Variants in SLC26A7 observed in about 807,000 individuals in gnomAD.
The protein encoded by SLC26A7 is solute carrier family 26 member 7.
A neutral mutation model predicts 82.5 loss-of-function variants in SLC26A7; 59 were observed. That is an observed-to-expected ratio of 0.72 (90% CI 0.58 to 0.89). The LOEUF is 0.89. SLC26A7 is among the 40% of genes least tolerant of loss of function. The pLI is 0.00. For missense variants in SLC26A7, 820 were observed against 793.0 expected, an observed-to-expected ratio of 1.03 and a Z score of -0.41; for synonymous variants, 271 against 274.3, an observed-to-expected ratio of 0.99 and a Z score of 0.12.
chr8:91,215,457 A>G (rs1305584520), intron 1 of SLC26A7, among the ~76,000 whole-genome samples: 1 of 152,204 alleles, frequency 6.6e-6, no homozygotes, highest in Non-Finnish European at 1.5e-5. Flanking sequence ...CTACCATTCA[A>G]CAAACATAAA....
At chr8:91,210,517 T>C (rs1008717259) in intron 1 of SLC26A7, among the ~76,000 whole-genome samples, 1 of 150,468 alleles carries the variant, frequency 6.6e-6, no homozygotes, top group Non-Finnish European at 1.5e-5. Flanking sequence ...GTCAGATAGA[T>C]AGAACTTTCT....
rs779532597 is a variant in SLC26A7 at position 91,311,624 on chromosome 8, C to A, written c.478-6592C>A. On this transcript the variant is annotated intron_variant, in intron 4 of 18. Coordinates refer to ENST00000276609, the MANE Select transcript of SLC26A7 (RefSeq NM_052832.4). Reference sequence around the variant, plus strand: ...AGTAGTATCTGAGACAGTTCTCAATCAATTTAGAAGTTTATTTTGCCAAGG... The same window carrying A: ...AGTAGTATCTGAGACAGTTCTCAATAAATTTAGAAGTTTATTTTGCCAAGG... 3.9e-5 allele frequency among the ~76,000 whole-genome samples: 6 copies of A among 152,120 alleles called. No individual in the cohort carries two copies. In the East Asian group the frequency reaches 1.2e-3, roughly 29 times the overall value.
chr8:91,390,529 T>G (rs941429542), intron 16 of SLC26A7, among the ~76,000 whole-genome samples: 4 of 152,140 alleles, frequency 2.6e-5, no homozygotes, highest in Non-Finnish European at 5.9e-5. Flanking sequence ...GCAGCATCTG[T>G]TCTTTGGTTT....
chr8:91,323,490 G>A (rs1274880130), intron 5 of SLC26A7, among the ~76,000 whole-genome samples: 3 of 152,122 alleles, frequency 2.0e-5, no homozygotes, highest in African/African-American at 7.2e-5. Flanking sequence ...AACAAGAGAT[G>A]GCTGGATGCC....
At position 91,394,818 on chromosome 8, in the gene SLC26A7, T is replaced by C. The variant is rs1808524814; in HGVS notation, c.1936-244T>C. 1.1e-5 allele frequency: 10 copies of C among 872,102 alleles called. No individual in the cohort carries two copies. In the South Asian group the frequency reaches 1.9e-4, roughly 17 times the overall value. The allele number at this position is 872,102 out of a possible 1,614,324, so 54.0% of individuals were successfully genotyped here. The stretch of plus-strand genomic sequence containing the variant: ...AGGTAGATATGATAATTTAACCCAT[T>C]TTTAGAAACAAGGAAACTGACCAGG... On this transcript the variant is annotated intron_variant, in intron 18 of 18. Transcript: ENST00000276609.
At chr8:91,223,142 C>G (rs1165258307) in intron 2 of SLC26A7, among the ~76,000 whole-genome samples, 2 of 152,164 alleles carry the variant, frequency 1.3e-5, no homozygotes, top group African/African-American at 2.4e-5. Context: ...ATAGTATTCT[C>G]TGATGGTAGT....
chr8:91,226,602 T>G (rs902583861), intron 2 of SLC26A7, among the ~76,000 whole-genome samples: 4 of 152,270 alleles, frequency 2.6e-5, no homozygotes, highest in Non-Finnish European at 5.9e-5. Flanking sequence ...TACCAGGCAC[T>G]GTTCTAATGA....
chr8:91,229,902 C>T (rs1036453259), intron 2 of SLC26A7, among the ~76,000 whole-genome samples: 1 of 152,140 alleles, frequency 6.6e-6, no homozygotes, highest in African/African-American at 2.4e-5. Context: ...CTAAAAAATT[C>T]GTTTATCTGA....
intron 5 of SLC26A7, among the ~76,000 whole-genome samples, chr8:91,333,395 G>A (rs1216027487): frequency 1.3e-5 from 2 of 152,160 alleles, no homozygotes; most frequent in African/African-American, 4.8e-5. Flanking sequence ...CACTTTTAAA[G>A]ACAAATAGTT....
At chr8:91,339,493 A>G (rs1813340088) in intron 7 of SLC26A7, among the ~76,000 whole-genome samples, 1 of 152,168 alleles carries the variant, frequency 6.6e-6, no homozygotes, top group African/African-American at 2.4e-5. Flanking sequence ...CAGTGGGTAT[A>G]ATGATGCTTG....
At chr8:91,224,224 G>A (rs1455744930) in intron 2 of SLC26A7, among the ~76,000 whole-genome samples, 1 of 152,048 alleles carries the variant, frequency 6.6e-6, no homozygotes, top group African/African-American at 2.4e-5. Context: ...TGCCCTTGAT[G>A]GAGAGATGTT....
At chr8:91,360,457 G>C (rs1814018541) in intron 11 of SLC26A7, among the ~76,000 whole-genome samples, 1 of 152,170 alleles carries the variant, frequency 6.6e-6, no homozygotes, top group South Asian at 2.1e-4. Flanking sequence ...ACAGAATGCT[G>C]TTGGGATTTA....
intron 2 of SLC26A7, among the ~76,000 whole-genome samples, chr8:91,279,347 T>C (rs902619416): frequency 2.2e-4 from 34 of 151,830 alleles, no homozygotes; most frequent in African/African-American, 7.5e-4. Context: ...GGAAGTTCTA[T>C]GTTTAATTTT....
At chr8:91,307,255 TCTAGAA>T (rs1278230866) in intron 4 of SLC26A7, among the ~76,000 whole-genome samples, 1 of 100,278 alleles carries the variant, frequency 1.0e-5, no homozygotes, top group Admixed American at 1.1e-4. Context: ...TCCTCAGGGA[TCTAGAA>T]CTGGAAATAC....
intron 15 of SLC26A7, among the ~76,000 whole-genome samples, chr8:91,388,838 T>C (rs1258537078): frequency 6.6e-6 from 1 of 151,912 alleles, no homozygotes; most frequent in Non-Finnish European, 1.5e-5. Flanking sequence ...TCCAAGGCTG[T>C]GGGACAAGCC....
Position 91,295,581 on chromosome 8 carries a change from G to C in SLC26A7, c.355G>C (p.Val119Leu), listed in dbSNP as rs755336667. The change falls in exon 4 of 19, where the codon GTC (valine) becomes CTC (leucine). Residue 119 changes from valine (V) to leucine (L), a missense_variant. By Grantham distance (32) the Val-to-Leu change is conservative. Transcript: ENST00000276609. ...LISANAVERIVPQNMQNLTTQ... is the reference protein window; with the variant it reads ...LISANAVERILPQNMQNLTTQ... ...ATCAGCCAACGCCGTGGAACGGATT[G>C]TCCCTCAGAACATGCAGAATCTCAC... 1 of 1,614,040 alleles carries C rather than the reference G, an allele frequency of 6.2e-7. No individual in the cohort carries two copies. Among genetic ancestry groups the C allele is most frequent in the East Asian group, 2.2e-5 (1 of 44,874 alleles).
At chr8:91,332,332 A>G (rs1287338040) in intron 5 of SLC26A7, among the ~76,000 whole-genome samples, 1 of 143,046 alleles carries the variant, frequency 7.0e-6, no homozygotes, top group East Asian at 2.0e-4. Flanking sequence ...TAATTTATAT[A>G]TTATATATAA....
chr8:91,390,288 T>C (rs1005652125), intron 16 of SLC26A7, among the ~76,000 whole-genome samples: 3 of 152,034 alleles, frequency 2.0e-5, no homozygotes, highest in Non-Finnish European at 4.4e-5. Flanking sequence ...GGCTATTTTT[T>C]TTGTATTTTT....
chr8:91,270,590 C>T (rs1276201512), intron 2 of SLC26A7, among the ~76,000 whole-genome samples: 3 of 152,102 alleles, frequency 2.0e-5, no homozygotes, highest in Non-Finnish European at 4.4e-5. Flanking sequence ...TTTTTTAAAG[C>T]TCTCAATGAA....
Sources: allele counts gnomAD v4.1 joint callset (sites outside exome capture counted in the v4.1 genomes callset), GRCh38; gene constraint gnomAD v4.1.1; transcripts MANE v1.5; gene names NCBI Gene and HGNC (gene_info 2026-07-23, HGNC 2026-07-21).